Variants in HMGCLL1 observed in about 807,000 individuals in gnomAD.
The protein encoded by HMGCLL1 is 3-hydroxymethyl-3-methylglutaryl-CoA lyase, cytoplasmic.
Under a neutral mutation model 39.1 loss-of-function variants are expected in HMGCLL1, and 36 were observed. The ratio of observed to expected loss-of-function variants is 0.92; its 90% CI spans 0.71 to 1.22. The LOEUF (loss-of-function observed/expected upper bound fraction) is 1.22, where lower values mean the gene tolerates loss of function less well. HMGCLL1 is among the 50% of genes most tolerant of loss of function. The pLI is 0.00. For missense variants in HMGCLL1, 451 were observed against 416.5 expected (o/e 1.08, Z -0.72); for synonymous variants, 149 against 144.0 (o/e 1.03, Z -0.25).
the HMGCLL1 span, among the ~76,000 whole-genome samples, chr6:55,671,001 T>C: frequency 2.0e-5 from 3 of 151,718 alleles, no homozygotes; most frequent in Admixed American, 1.3e-4. Flanking sequence ...TACCAGGCAA[T>C]ATAGGCCTTA....
the HMGCLL1 span, among the ~76,000 whole-genome samples, chr6:55,601,838 A>C: frequency 6.6e-6 from 1 of 152,166 alleles, no homozygotes; most frequent in South Asian, 2.1e-4. Flanking sequence ...AAGACTATAC[A>C]ACCCCAATAT....
intron 7 of HMGCLL1, among the ~76,000 whole-genome samples, chr6:55,468,217 G>A (rs1464856473): frequency 6.6e-6 from 1 of 151,932 alleles, no homozygotes; most frequent in Non-Finnish European, 1.5e-5. Flanking sequence ...ATATTGTAAG[G>A]CAACAATAAA....
chr6:55,666,805 A>G, the HMGCLL1 span, among the ~76,000 whole-genome samples: 1 of 151,728 alleles, frequency 6.6e-6, no homozygotes. Context: ...AAATTTTTGG[A>G]CACATCATCT....
At chr6:55,485,245 A>AT (rs541828543) in intron 7 of HMGCLL1, among the ~76,000 whole-genome samples, 1 of 151,794 alleles carries the variant, frequency 6.6e-6, no homozygotes, top group South Asian at 2.1e-4. Context: ...CACTTTCTCT[A>AT]TTTTTTTGCA....
At chr6:55,639,764 A>C in the HMGCLL1 span, among the ~76,000 whole-genome samples, 3 of 152,112 alleles carry the variant, frequency 2.0e-5, no homozygotes, top group Admixed American at 6.6e-5. Context: ...AATGAAAATT[A>C]TGAAGGAGAA....
chr6:55,482,071 T>G (rs965391138), intron 7 of HMGCLL1, among the ~76,000 whole-genome samples: 11 of 152,120 alleles, frequency 7.2e-5, no homozygotes, highest in African/African-American at 2.7e-4. Context: ...CCCACTTATA[T>G]GAACTCACTC....
At chr6:55,515,381 ACT>A (rs1767682918) in intron 4 of HMGCLL1, among the ~76,000 whole-genome samples, 1 of 151,976 alleles carries the variant, frequency 6.6e-6, no homozygotes, top group South Asian at 2.1e-4. Context: ...TAAAATAAAA[ACT>A]CTATTAGTGA....
At chr6:55,442,595 T>G (rs1179798650) in intron 7 of HMGCLL1, among the ~76,000 whole-genome samples, 1 of 152,142 alleles carries the variant, frequency 6.6e-6, no homozygotes, top group Non-Finnish European at 1.5e-5. Flanking sequence ...AGCCTTAGAA[T>G]TCTTTGGGAC....
the HMGCLL1 span, among the ~76,000 whole-genome samples, chr6:55,667,299 C>G: frequency 4.0e-5 from 6 of 151,698 alleles, no homozygotes; most frequent in Non-Finnish European, 8.8e-5. Context: ...ATAAATGACT[C>G]TATTTTATTG....
chr6:55,613,942 A>T, the HMGCLL1 span, among the ~76,000 whole-genome samples: 1 of 152,286 alleles, frequency 6.6e-6, no homozygotes, highest in East Asian at 1.9e-4. Flanking sequence ...GTAAAATAAA[A>T]TTTTAAAAAA....
the HMGCLL1 span, among the ~76,000 whole-genome samples, chr6:55,609,840 C>T: frequency 1.3e-5 from 2 of 152,148 alleles, no homozygotes; most frequent in Non-Finnish European, 2.9e-5. Context: ...CCTGTCTTTG[C>T]TGTTCTCTAG....
chr6:55,495,490 G>T lies in HMGCLL1; in HGVS notation c.724C>A (p.Pro242Thr). 1 of 1,614,038 alleles carries T rather than the reference G, an allele frequency of 6.2e-7. No homozygotes were observed. Among genetic ancestry groups the T allele is most frequent in the Non-Finnish European group, 8.5e-7 (1 of 1,179,924 alleles). Residue 242 changes from proline (P) to threonine (T), a missense_variant, in exon 7 of 9, where the codon CCA becomes ACA. Coordinates refer to ENST00000274901, the MANE Select transcript of HMGCLL1 (RefSeq NM_001042406.2). Reference sequence around the variant, plus strand: ...TGACAGTGAACAGCAAGAGCACCTGGTGGGATTTCTTTCATCACACTTTCC... The same window carrying T: ...TGACAGTGAACAGCAAGAGCACCTGTTGGGATTTCTTTCATCACACTTTCC... Reference protein sequence around the residue: ...MLESVMKEIPPGALAVHCHDT... With the variant: ...MLESVMKEIPTGALAVHCHDT...
At chr6:55,504,122 C>A (rs1767035361) in intron 5 of HMGCLL1, among the ~76,000 whole-genome samples, 1 of 151,674 alleles carries the variant, frequency 6.6e-6, no homozygotes, top group African/African-American at 2.4e-5. Context: ...TTCTACCTTT[C>A]TTTTACTATA....
chr6:55,648,611 T>C, the HMGCLL1 span, among the ~76,000 whole-genome samples: 1 of 61,760 alleles, frequency 1.6e-5, no homozygotes, highest in Non-Finnish European at 3.1e-5. Context: ...AACTAGAAAA[T>C]CTAGAAGAAA....
At chr6:55,595,188 C>T in the HMGCLL1 span, among the ~76,000 whole-genome samples, 1 of 152,190 alleles carries the variant, frequency 6.6e-6, no homozygotes, top group Non-Finnish European at 1.5e-5. Flanking sequence ...AAATCTACTA[C>T]TGAATCACAA....
At chr6:55,484,732 A>G (rs1029510767) in intron 7 of HMGCLL1, among the ~76,000 whole-genome samples, 4 of 151,678 alleles carry the variant, frequency 2.6e-5, no homozygotes, top group Non-Finnish European at 5.9e-5. Context: ...TATGCTCACC[A>G]CCCCTATAGT....
intron 7 of HMGCLL1, among the ~76,000 whole-genome samples, chr6:55,483,187 T>C (rs893765197): frequency 6.6e-6 from 1 of 152,182 alleles, no homozygotes; most frequent in Non-Finnish European, 1.5e-5. Flanking sequence ...TTTAATATAA[T>C]GGATATTTGG....
intron 1 of HMGCLL1, among the ~76,000 whole-genome samples, chr6:55,559,075 C>G (rs1306292874): frequency 6.6e-6 from 1 of 152,060 alleles, no homozygotes. Context: ...CTTAATGAAA[C>G]CATCACCCTA....
At chr6:55,464,840 A>T (rs902226212) in intron 7 of HMGCLL1, among the ~76,000 whole-genome samples, 2 of 152,142 alleles carry the variant, frequency 1.3e-5, no homozygotes, top group Non-Finnish European at 2.9e-5. Context: ...TTTCAACCTG[A>T]TAAGGCAAGT....
Sources: gnomAD v4.1 joint callset for allele counts (sites outside exome capture counted in the v4.1 genomes callset) on GRCh38, gnomAD v4.1.1 for gene constraint, MANE v1.5 for transcripts, NCBI Gene and HGNC (gene_info 2026-07-23, HGNC 2026-07-21) for gene names.